ASMTL: variants seen among roughly 807,000 people sequenced by gnomAD.
ASMTL encodes probable bifunctional dTTP/UTP pyrophosphatase/methyltransferase protein.
ASMTL carries 57 observed loss-of-function variants against 60.3 expected under a neutral mutation model. The observed-to-expected ratio is 0.95, with a 90% CI of 0.76 to 1.18. ASMTL has a LOEUF of 1.18. Ranked by LOEUF, ASMTL falls within the 50% of genes most tolerant of loss-of-function variation. ASMTL has a pLI of 0.00. For missense variants in ASMTL, 981 were observed against 852.6 expected, an observed-to-expected ratio of 1.15 and a Z score of -1.88; for synonymous variants, 419 against 373.0, an observed-to-expected ratio of 1.12 and a Z score of -1.42.
chrX:1,420,337 CTG>C, intron 9 of ASMTL, among the ~76,000 whole-genome samples: 1 of 152,136 alleles, frequency 6.6e-6, no homozygotes, highest in African/African-American at 2.4e-5. Flanking sequence ...GCCTCCATCT[CTG>C]TCTGTCTCTG....
At position 1,417,963 on chromosome X, in the gene ASMTL, G is replaced by A. The variant is rs773121720; in HGVS notation, c.1522+10C>T. On this transcript the variant is annotated intron_variant, in intron 11 of 12. Transcript: ENST00000381317. ...AAAAGGTTAGCAGGGTGAACAGGAG[G>A]AGGGCTCACCTGCTGCGAAGTGGAT... 6.2e-7 allele frequency: 1 copy of A among 1,601,296 alleles called. No homozygotes were observed. The highest frequency in any genetic ancestry group is 1.1e-5 in the South Asian group (1 of 89,864).
chrX:1,420,389 G>C (rs2090450705), intron 9 of ASMTL, among the ~76,000 whole-genome samples: 1 of 150,276 alleles, frequency 6.7e-6, no homozygotes, highest in Non-Finnish European at 1.5e-5. Context: ...CTCTCTCTGT[G>C]TCTCCCTGTC....
chrX:1,429,491 T>C (rs1211205769), intron 6 of ASMTL, among the ~76,000 whole-genome samples: 34 of 152,038 alleles, frequency 2.2e-4, no homozygotes, highest in Non-Finnish European at 1.3e-4. Flanking sequence ...TTTAAATGTA[T>C]GTAAACATTA....
chrX:1,410,962 G>A (rs1469878902), intron 12 of ASMTL, among the ~76,000 whole-genome samples: 1 of 151,762 alleles, frequency 6.6e-6, no homozygotes, highest in Non-Finnish European at 1.5e-5. Context: ...CAGCTGGGTG[G>A]ATCACCCGAG....
rs371220130 is a variant in ASMTL, at chrX:1,403,382, G to T, written c.1753C>A (p.Arg585=). The T allele has an allele frequency of 3.7e-6, 6 of 1,613,440 alleles. No homozygotes were observed. Among genetic ancestry groups the T allele is most frequent in the Non-Finnish European group, 5.1e-6 (6 of 1,179,854 alleles). ...AAGCACTGATACTCGCCCAGGCTCC[G>T]CTCCTTGCCTTCAGTCTGCACCAGC... is the stretch of plus-strand genomic sequence containing the variant. The part of the protein sequence containing the change: ...NMLVQTEGKE[R]SLGEYQCLLE... Residue 585 remains arginine, a synonymous_variant, in exon 13 of 13, where the codon CGG becomes AGG. Transcript: ENST00000381317.
At chrX:1,419,170 A>C (rs2090404537) in intron 9 of ASMTL, 56 bp from the exon 10 acceptor site, 1 of 1,590,708 alleles carries the variant, frequency 6.3e-7, no homozygotes, top group Non-Finnish European at 8.6e-7. Flanking sequence ...GGGCTCGCCC[A>C]GCCTCTCCCT....
intron 1 of ASMTL, among the ~76,000 whole-genome samples, chrX:1,443,175 A>G (rs1258800129): frequency 6.6e-5 from 10 of 151,704 alleles, no homozygotes; most frequent in African/African-American, 2.4e-4. Context: ...CATCGTGGAC[A>G]CACACCGCCA....
Position 1,427,733 on chromosome X carries a change from C to T in ASMTL, c.897+1G>A. ...TGGCCTGAGGAGACAGACACAGGTA[C>T]CTTGGATAGCATAAAGCCCTCAATC... On this transcript the variant is annotated splice_donor_variant, in intron 7 of 12. Coordinates refer to ENST00000381317, the MANE Select transcript of ASMTL (RefSeq NM_004192.4). LOFTEE classifies it high-confidence loss of function. 6.2e-7 allele frequency: 1 copy of T among 1,603,478 alleles called. No individual in the cohort carries two copies. Among genetic ancestry groups the T allele is most frequent in the Non-Finnish European group, 8.5e-7 (1 of 1,172,650 alleles).
rs1195638195 is a variant in ASMTL, at chrX:1,439,226, A to G, written c.226-82T>C. The G allele has an allele frequency of 1.2e-5, 18 of 1,462,116 alleles. No homozygotes were observed. In the East Asian group the frequency reaches 3.9e-4, roughly 31 times the overall value. The allele number at this position is 1,462,116 out of a possible 1,614,324, so 90.6% of individuals were successfully genotyped here. A position where few individuals can be genotyped will look rare whatever the true frequency, so the allele number is the denominator to read the frequency against. On this transcript the variant is annotated intron_variant, in intron 2 of 12. Transcript: ENST00000381317. ...GTTTTCCCGTCGGTACGGGCGTGAA[A>G]GAGCACCGCAGGGGCGAAGCCAGGC...
intron 5 of ASMTL, among the ~76,000 whole-genome samples, chrX:1,434,523 G>T (rs1370463769): frequency 6.8e-6 from 1 of 147,638 alleles, no homozygotes; most frequent in East Asian, 2.0e-4. Context: ...AAAGAGAAAG[G>T]CCGGGTGCAG....
At chrX:1,429,673 T>C (rs1486352885) in intron 6 of ASMTL, among the ~76,000 whole-genome samples, 1 of 151,868 alleles carries the variant, frequency 6.6e-6, no homozygotes, top group Non-Finnish European at 1.5e-5. Context: ...GGTGGGTGCC[T>C]GTAGTCCCAG....
intron 12 of ASMTL, among the ~76,000 whole-genome samples, chrX:1,404,477 G>A (rs1164623447): frequency 2.7e-5 from 4 of 146,576 alleles, no homozygotes; most frequent in Non-Finnish European, 6.0e-5. Context: ...TAGATAGATG[G>A]ATGTATAGAT....
intron 9 of ASMTL, among the ~76,000 whole-genome samples, chrX:1,420,165 A>G (rs5948847): frequency 0.74 from 111,837 of 150,744 alleles, 43,185 homozygotes; most frequent in South Asian, 0.9. Flanking sequence ...CTGTCTCCCT[A>G]TCTCTGTCTC....
intron 1 of ASMTL, among the ~76,000 whole-genome samples, chrX:1,444,475 C>G (rs1226938273): frequency 6.6e-6 from 1 of 152,132 alleles, no homozygotes; most frequent in African/African-American, 2.4e-5. Context: ...TCCCAAAGTG[C>G]TGGGATTACA....
upstream of ASMTL, chrX:1,453,577 A>C (rs2091448225): frequency 6.7e-6 from 1 of 150,138 alleles, no homozygotes; most frequent in Admixed American, 6.7e-5. Context: ...GGGTTTCCGC[A>C]GCTGCGGTTG....
At chrX:1,423,259 C>T (rs34569158) in intron 8 of ASMTL, among the ~76,000 whole-genome samples, 101,530 of 151,926 alleles carry the variant, frequency 0.67, 34,920 homozygotes, top group South Asian at 0.86. Context: ...ATTTTCAATA[C>T]GGGAGAATGG....
At chrX:1,412,704 A>C (rs750777846) in intron 12 of ASMTL, 28 bp downstream of exon 12, 6 of 1,613,870 alleles carry the variant, frequency 3.7e-6, no homozygotes, top group Non-Finnish European at 1.7e-6. Flanking sequence ...TCTTAACAAA[A>C]ACAGCTAACC....
chrX:1,411,417 C>T (rs2090015293), intron 12 of ASMTL, among the ~76,000 whole-genome samples: 1 of 152,160 alleles, frequency 6.6e-6, no homozygotes, highest in South Asian at 2.1e-4. Flanking sequence ...CGTCAGATTC[C>T]CTCAGGGCCA....
At chrX:1,452,124 CTCTCCCCAA>C in intron 1 of ASMTL, among the ~76,000 whole-genome samples, 1 of 143,550 alleles carries the variant, frequency 7.0e-6, no homozygotes, top group South Asian at 2.3e-4. Context: ...TCCTGGGTCA[CTCTCCCCAA>C]CCCCATCCCT....
Sources: gnomAD v4.1 joint callset for allele counts (sites outside exome capture counted in the v4.1 genomes callset) on GRCh38, gnomAD v4.1.1 for gene constraint, MANE v1.5 for transcripts, NCBI Gene and HGNC (gene_info 2026-07-23, HGNC 2026-07-21) for gene names.